MAP3K8: variants seen among roughly 807,000 people sequenced by gnomAD.
The protein encoded by MAP3K8 is Ewing sarcoma transformant.
A neutral mutation model predicts 45.8 loss-of-function variants in MAP3K8; 22 were observed. The observed-to-expected ratio is 0.48, with a 90% CI of 0.34 to 0.69. The LOEUF is 0.69. Ranked by LOEUF, MAP3K8 falls within the 30% of genes least tolerant of loss-of-function variation. The pLI is 0.01. For synonymous variants in MAP3K8, 223 were observed against 214.3 expected, an observed-to-expected ratio of 1.04 and a Z score of -0.36; for missense variants, 419 against 585.0, an observed-to-expected ratio of 0.72 and a Z score of 2.93.
chr10:30,454,482 T>C (rs1836668099), intron 6 of MAP3K8, among the ~76,000 whole-genome samples: 1 of 151,990 alleles, frequency 6.6e-6, no homozygotes, highest in African/African-American at 2.4e-5. Flanking sequence ...GTGGGAGGAT[T>C]GCTTGAGCCC....
At chr10:30,454,756 T>C (rs1468138088) in intron 6 of MAP3K8, among the ~76,000 whole-genome samples, 1 of 152,080 alleles carries the variant, frequency 6.6e-6, no homozygotes. Context: ...TGTACTTTTT[T>C]TTTTTTTTTA....
chr10:30,440,707 G>T lies in MAP3K8; in HGVS notation c.336+1433G>T, dbSNP rs182122986. 1.7e-4 allele frequency among the ~76,000 whole-genome samples: 26 copies of T among 152,040 alleles called. No individual in the cohort carries two copies. In the East Asian group the frequency reaches 3.1e-3, roughly 18 times the overall value. On this transcript the variant is annotated intron_variant, in intron 3 of 8. Coordinates refer to ENST00000263056, the MANE Select transcript of MAP3K8 (RefSeq NM_005204.4). ...CAAATAAAGGATAGTTGGAGAACTCGGGTTCAAAGTTATATATATGTCTAT... is the reference window on the plus strand; with the variant it reads ...CAAATAAAGGATAGTTGGAGAACTCTGGTTCAAAGTTATATATATGTCTAT...
chr10:30,457,373 T>C (rs988861347), intron 6 of MAP3K8, among the ~76,000 whole-genome samples: 6 of 152,220 alleles, frequency 3.9e-5, no homozygotes, highest in Non-Finnish European at 8.8e-5. Context: ...ATTTTTTAAG[T>C]TTTTCCCTTT....
intron 1 of MAP3K8, among the ~76,000 whole-genome samples, chr10:30,435,198 G>C (rs1268102821): frequency 5.3e-5 from 8 of 152,166 alleles, no homozygotes; most frequent in Non-Finnish European, 1.2e-4. Context: ...AAGATTAAAG[G>C]CTGCTCTTGA....
In MAP3K8 at chr10:30,439,160, A is replaced by G; in HGVS notation, c.222A>G (p.Ser74=). The G allele has an allele frequency of 2.5e-6, 4 of 1,614,232 alleles. No homozygotes were observed. Among genetic ancestry groups the G allele is most frequent in the Non-Finnish European group, 3.4e-6 (4 of 1,180,034 alleles). Residue 74 remains serine, a synonymous_variant, in exon 3 of 9, where the codon TCA becomes TCG. Transcript: ENST00000263056. ...GTGGCCAAGAGGTACCATGGTTGTC[A>G]TCAGTCAGATATGGAACTGTGGAGG... ...LLSGQEVPWL[S]SVRYGTVEDL... is the part of the protein sequence containing the mutation.
chr10:30,447,639 T>G (rs1457048102), intron 3 of MAP3K8, 143 bp from the exon 4 acceptor site: 1 of 702,226 alleles, frequency 1.4e-6, no homozygotes, highest in Non-Finnish European at 2.5e-6. Flanking sequence ...CTCTGTACAG[T>G]TGGTAGGATT....
intron 8 of MAP3K8, 144 bp from the exon 9 acceptor site, chr10:30,460,562 T>C (rs755145444): frequency 3.4e-6 from 2 of 592,870 alleles, no homozygotes; most frequent in Non-Finnish European, 5.7e-6. Flanking sequence ...TATGTGAACT[T>C]AGCCATAGTG....
At chr10:30,445,709 G>A (rs1243548663) in intron 3 of MAP3K8, among the ~76,000 whole-genome samples, 1 of 152,184 alleles carries the variant, frequency 6.6e-6, no homozygotes, top group Non-Finnish European at 1.5e-5. Context: ...AGGCAAGACC[G>A]CCATCTGCAC....
intron 4 of MAP3K8, among the ~76,000 whole-genome samples, chr10:30,449,455 G>A (rs1010927695): frequency 2.6e-5 from 4 of 152,006 alleles, no homozygotes; most frequent in Non-Finnish European, 5.9e-5. Flanking sequence ...ACATTTGTAC[G>A]TTCAGTTGAT....
chr10:30,448,816 C>T (rs1253398898), intron 4 of MAP3K8, among the ~76,000 whole-genome samples: 1 of 152,136 alleles, frequency 6.6e-6, no homozygotes, highest in Non-Finnish European at 1.5e-5. Flanking sequence ...TTCACACCCC[C>T]TATGACTCAA....
At chr10:30,435,591 C>T (rs1835886199) in intron 1 of MAP3K8, among the ~76,000 whole-genome samples, 1 of 152,172 alleles carries the variant, frequency 6.6e-6, no homozygotes, top group African/African-American at 2.4e-5. Context: ...TCACTCTTGT[C>T]GCCCAGGCTG....
intron 6 of MAP3K8, among the ~76,000 whole-genome samples, chr10:30,452,855 T>C (rs1461790793): frequency 6.6e-6 from 1 of 151,730 alleles, no homozygotes; most frequent in Non-Finnish European, 1.5e-5. Context: ...TTTTTTTTTT[T>C]TCAGTAGAGA....
chr10:30,450,603 G>A, intron 5 of MAP3K8, 84 bp downstream of exon 5: 1 of 1,305,786 alleles, frequency 7.7e-7, no homozygotes, highest in Non-Finnish European at 1.1e-6. Context: ...GTAATCTGAA[G>A]ACCCTCCATG....
At chr10:30,445,162 C>G (rs763348600) in intron 3 of MAP3K8, among the ~76,000 whole-genome samples, 3 of 152,026 alleles carry the variant, frequency 2.0e-5, no homozygotes, top group Non-Finnish European at 4.4e-5. Context: ...TTTGGGAGGC[C>G]GAGGCGGGTG....
chr10:30,451,767 G>A, intron 6 of MAP3K8, 23 bp downstream of exon 6: 2 of 1,281,052 alleles, frequency 1.6e-6, no homozygotes, highest in South Asian at 1.4e-5. Flanking sequence ...ACATGAAAAG[G>A]GTTACTATTT....
intron 7 of MAP3K8, 34 bp downstream of exon 7, chr10:30,458,270 G>GC: frequency 1.5e-6 from 2 of 1,367,168 alleles, no homozygotes; most frequent in Non-Finnish European, 1.9e-6. Context: ...GGGGGCGGCG[G>GC]GGGGGGGCGT....
At position 30,438,958 on chromosome 10, in the gene MAP3K8, G is replaced by C; in HGVS notation, c.20G>C (p.Gly7Ala). The C allele has an allele frequency of 6.2e-7, 1 of 1,609,628 alleles. No individual in the cohort carries two copies. The highest frequency in any genetic ancestry group is 8.5e-7 in the Non-Finnish European group (1 of 1,176,660). MEYMST[G>A]SDNKEEIDLL... ...ACAGTAATGGAGTACATGAGCACTG[G>C]AAGTGACAATAAAGAAGAGATTGAT... The change falls in exon 3 of 9, where the codon GGA (glycine) becomes GCA (alanine). Residue 7 changes from glycine to alanine, a missense_variant. This residue lies in a region of MAP3K8 where 102 missense variants were observed against 93.5 expected (regional missense o/e 1.09). Coordinates refer to ENST00000263056, the MANE Select transcript of MAP3K8 (RefSeq NM_005204.4).
intron 6 of MAP3K8, among the ~76,000 whole-genome samples, chr10:30,454,013 A>T (rs1233777071): frequency 6.6e-6 from 1 of 151,162 alleles, no homozygotes; most frequent in Non-Finnish European, 1.5e-5. Flanking sequence ...GAAAGCATGC[A>T]CAACAGTTTA....
chr10:30,452,179 A>AT (rs1836563697), intron 6 of MAP3K8, among the ~76,000 whole-genome samples: 2 of 151,790 alleles, frequency 1.3e-5, no homozygotes, highest in South Asian at 4.2e-4. Flanking sequence ...ATAAAAAAAA[A>AT]CTGGTTTAGG....
Sources: gnomAD v4.1 joint callset for allele counts (sites outside exome capture counted in the v4.1 genomes callset) on GRCh38, gnomAD v4.1.1 for gene constraint, gnomAD v4.1.1 regional missense constraint, MANE v1.5 for transcripts, NCBI Gene and HGNC (gene_info 2026-07-23, HGNC 2026-07-21) for gene names.